The following SSH2 variants were observed in gnomAD, a reference collection of about 807,000 sequenced individuals.
The protein encoded by SSH2 is slingshot protein phosphatase 2.
SSH2 carries 37 observed loss-of-function variants against 135.2 expected under a neutral mutation model. The observed-to-expected ratio is 0.27, with a 90% CI of 0.21 to 0.36. The LOEUF is 0.36. SSH2 is among the 10% of genes least tolerant of loss of function. SSH2 has a pLI of 1.00. For missense variants in SSH2, 1,408 were observed against 1,765.3 expected (o/e 0.80, Z 3.63); for synonymous variants, 628 against 646.2 (o/e 0.97, Z 0.43).
intron 3 of SSH2, among the ~76,000 whole-genome samples, chr17:29,753,107 T>C (rs976496352): frequency 6.6e-6 from 1 of 152,136 alleles, no homozygotes; most frequent in African/African-American, 2.4e-5. Context: ...CCTTAGATAG[T>C]AAATGTTCAG....
intron 1 of SSH2, among the ~76,000 whole-genome samples, chr17:29,879,209 T>C (rs1251026710): frequency 2.0e-5 from 3 of 152,148 alleles, no homozygotes; most frequent in Admixed American, 6.5e-5. Context: ...ATCTGTAATA[T>C]AGTTTAAGTA....
intron 2 of SSH2, among the ~76,000 whole-genome samples, chr17:29,845,055 T>C (rs1287479040): frequency 6.6e-6 from 1 of 152,246 alleles, no homozygotes; most frequent in Non-Finnish European, 1.5e-5. Flanking sequence ...GATTTGCACA[T>C]GAGTCAATCA....
intron 1 of SSH2, among the ~76,000 whole-genome samples, chr17:29,926,982 G>A (rs1196240244): frequency 2.0e-5 from 3 of 152,150 alleles, no homozygotes; most frequent in Non-Finnish European, 4.4e-5. Context: ...TATAACTCCA[G>A]TCACTTACTG....
At chr17:29,771,114 G>A (rs892694223) in intron 3 of SSH2, among the ~76,000 whole-genome samples, 3 of 152,174 alleles carry the variant, frequency 2.0e-5, no homozygotes, top group African/African-American at 7.2e-5. Context: ...CTGGTTTATA[G>A]TACGCTGTGA....
intron 1 of SSH2, among the ~76,000 whole-genome samples, chr17:29,886,444 G>A (rs1259544322): frequency 2.0e-5 from 3 of 152,056 alleles, no homozygotes; most frequent in East Asian, 3.9e-4. Context: ...AGAAGAAGCA[G>A]CGCATAAAAG....
intron 2 of SSH2, among the ~76,000 whole-genome samples, chr17:29,795,638 T>C (rs1439151262): frequency 6.6e-6 from 1 of 152,238 alleles, no homozygotes; most frequent in Admixed American, 6.5e-5. Context: ...CCCAAAGAAC[T>C]GTAATAAATA....
intron 3 of SSH2, among the ~76,000 whole-genome samples, chr17:29,790,433 T>C (rs1182991850): frequency 6.6e-6 from 1 of 152,194 alleles, no homozygotes; most frequent in Non-Finnish European, 1.5e-5. Context: ...CCTCCAGGAC[T>C]GTGAGAAATA....
intron 3 of SSH2, among the ~76,000 whole-genome samples, chr17:29,738,846 G>A (rs1345406183): frequency 1.3e-5 from 2 of 152,208 alleles, no homozygotes; most frequent in East Asian, 1.9e-4. Flanking sequence ...GAGCCACCAC[G>A]CCCGGCCTCT....
chr17:29,839,471 CCTTCCCTGTA>C (rs1488396112), intron 2 of SSH2, among the ~76,000 whole-genome samples: 18 of 152,226 alleles, frequency 1.2e-4, no homozygotes, highest in African/African-American at 3.9e-4. Context: ...GCTAACTCTT[CCTTCCCTGTA>C]CTTCCAATAA....
At chr17:29,899,332 T>C (rs1337669473) in intron 1 of SSH2, among the ~76,000 whole-genome samples, 2 of 152,104 alleles carry the variant, frequency 1.3e-5, no homozygotes. Flanking sequence ...AAAGAGGAAG[T>C]CAAATTGTCC....
chr17:29,749,716 T>A (rs751790834), intron 3 of SSH2, among the ~76,000 whole-genome samples: 2 of 152,134 alleles, frequency 1.3e-5, no homozygotes, highest in Non-Finnish European at 2.9e-5. Context: ...AAATTTATTT[T>A]AAAAACTTAT....
At chr17:29,915,041 A>C (rs140403442) in intron 1 of SSH2, among the ~76,000 whole-genome samples, 1 of 152,340 alleles carries the variant, frequency 6.6e-6, no homozygotes, top group East Asian at 1.9e-4. Context: ...AAATGCTCAG[A>C]GTTGTGAAAG....
intron 2 of SSH2, among the ~76,000 whole-genome samples, chr17:29,812,968 G>T (rs1406356156): frequency 6.7e-6 from 1 of 150,298 alleles, no homozygotes; most frequent in Non-Finnish European, 1.5e-5. Context: ...AGAGGGAGAA[G>T]AAAAAATAAA....
At chr17:29,695,093 T>A (rs1437124494) in intron 5 of SSH2, among the ~76,000 whole-genome samples, 2 of 152,138 alleles carry the variant, frequency 1.3e-5, no homozygotes, top group East Asian at 3.9e-4. Flanking sequence ...TCCTTGTCCT[T>A]CCCTATGTGT....
intron 1 of SSH2, among the ~76,000 whole-genome samples, chr17:29,887,891 T>C (rs1430322536): frequency 6.6e-6 from 1 of 152,178 alleles, no homozygotes; most frequent in Non-Finnish European, 1.5e-5. Context: ...AAGATGACCT[T>C]ACAGAACACA....
In SSH2 at chr17:29,630,974, A is replaced by G; in HGVS notation, c.4220T>C (p.Leu1407Pro). 3 of 1,613,596 alleles carry G rather than the reference A, an allele frequency of 1.9e-6. No individual in the cohort carries two copies. The highest frequency in any genetic ancestry group is 2.5e-6 in the Non-Finnish European group (3 of 1,179,520). ...GGLPVLQTQG[L>P]QCACPAPGLA... ...CCCTGGAGCTGGGCATGCACACTGCAGTCCCTGGGTCTGTAGCACGGGAAG... is the reference window on the plus strand; with the variant it reads ...CCCTGGAGCTGGGCATGCACACTGCGGTCCCTGGGTCTGTAGCACGGGAAG... The change falls in exon 16 of 16, where the codon CTG becomes CCG. Residue 1407 changes from leucine (L) to proline (P), a missense_variant. By Grantham distance (98) the Leu-to-Pro change is moderately conservative (BLOSUM62 -3). Around this residue, in one of 3 missense-constraint regions of SSH2, gnomAD observed 1,080 missense variants for 1,144.5 expected, o/e 0.94. Transcript: ENST00000540801.
At chr17:29,728,422 C>T (rs1276702295) in intron 3 of SSH2, among the ~76,000 whole-genome samples, 1 of 152,130 alleles carries the variant, frequency 6.6e-6, no homozygotes, top group East Asian at 1.9e-4. Flanking sequence ...AAAAGGAAAA[C>T]ATATTCCATG....
chr17:29,755,837 G>A (rs2041099686), intron 3 of SSH2, among the ~76,000 whole-genome samples: 1 of 150,452 alleles, frequency 6.6e-6, no homozygotes, highest in Admixed American at 6.6e-5. Flanking sequence ...AATTTTTTGT[G>A]TTTTTAGTAG....
At chr17:29,913,356 A>T (rs2066816660) in intron 1 of SSH2, among the ~76,000 whole-genome samples, 7 of 71,048 alleles carry the variant, frequency 9.9e-5, no homozygotes, top group South Asian at 5.1e-4. Flanking sequence ...AAATATATAT[A>T]TATATATATA....
Sources: allele counts gnomAD v4.1 joint callset (sites outside exome capture counted in the v4.1 genomes callset), GRCh38; gene constraint gnomAD v4.1.1; regional missense constraint gnomAD v4.1.1; transcripts MANE v1.5; gene names NCBI Gene and HGNC (gene_info 2026-07-23, HGNC 2026-07-21).